Variants in DHRSX observed in about 807,000 individuals in gnomAD.
DHRSX encodes dehydrogenase/reductase X-linked.
DHRSX carries 31 observed loss-of-function variants against 34.0 expected under a neutral mutation model. That is an observed-to-expected ratio of 0.91 (90% CI 0.69 to 1.23). The LOEUF (loss-of-function observed/expected upper bound fraction) is 1.23, where lower values mean the gene tolerates loss of function less well. DHRSX is among the 50% of genes most tolerant of loss of function. The pLI is 0.00. For synonymous variants in DHRSX, 201 were observed against 183.8 expected (o/e 1.09, Z -0.76); for missense variants, 414 against 428.1 (o/e 0.97, Z 0.29).
chrX:2,441,848 G>A (rs2044066449), intron 1 of DHRSX, among the ~76,000 whole-genome samples: 1 of 152,132 alleles, frequency 6.6e-6, no homozygotes, highest in Non-Finnish European at 1.5e-5. Flanking sequence ...TGAGGCAGGT[G>A]GATCACGAGG....
At chrX:2,227,233 T>C (rs2015687631) in intron 6 of DHRSX, among the ~76,000 whole-genome samples, 1 of 151,758 alleles carries the variant, frequency 6.6e-6, no homozygotes, top group South Asian at 2.1e-4. Context: ...AGCTATGGCC[T>C]GGGTCAAAGC....
chrX:2,309,159 T>C (rs1255520889), intron 3 of DHRSX, among the ~76,000 whole-genome samples: 1 of 151,752 alleles, frequency 6.6e-6, no homozygotes, highest in Non-Finnish European at 1.5e-5. Flanking sequence ...ATAAGAAAAA[T>C]AGAGAAGAAT....
chrX:2,407,395 C>T (rs2043569914), intron 3 of DHRSX, among the ~76,000 whole-genome samples: 2 of 152,132 alleles, frequency 1.3e-5, no homozygotes, highest in Non-Finnish European at 2.9e-5. Flanking sequence ...CATTTAATGA[C>T]AAAGGCCTTG....
intron 3 of DHRSX, among the ~76,000 whole-genome samples, chrX:2,319,219 C>T (rs907771053): frequency 4.5e-5 from 6 of 133,988 alleles, no homozygotes; most frequent in African/African-American, 1.6e-4. Context: ...CCCCTCCTCC[C>T]CCCCTCCCTT....
chrX:2,426,364 C>T (rs1296752187), intron 1 of DHRSX, among the ~76,000 whole-genome samples: 1 of 151,334 alleles, frequency 6.6e-6, no homozygotes, highest in African/African-American at 2.4e-5. Context: ...TCTTTCCTTC[C>T]TTCCTTCCCT....
In DHRSX at chrX:2,340,197, G is replaced by T. The variant is rs767580810; in HGVS notation, c.287-48594C>A. On this transcript the variant is annotated intron_variant, in intron 3 of 6. Coordinates refer to ENST00000334651, the MANE Select transcript of DHRSX (RefSeq NM_145177.3). ...CACACTGGGGCCTGTCGAGGGGTGG[G>T]GGGCTAGGGGAGTGATAGTATTAGG... Among the ~76,000 whole-genome samples the T allele has an allele frequency of 2.0e-5, 3 of 152,030 alleles. No individual in the cohort carries two copies. The Admixed American group carries it at 2.0e-4, about 10-fold the overall frequency.
At chrX:2,366,542 C>A (rs1292674719) in intron 3 of DHRSX, among the ~76,000 whole-genome samples, 1 of 151,968 alleles carries the variant, frequency 6.6e-6, no homozygotes, top group Non-Finnish European at 1.5e-5. Context: ...AATATACAAC[C>A]AGGGTAGGGG....
At chrX:2,326,573 C>G (rs1219454756) in intron 3 of DHRSX, among the ~76,000 whole-genome samples, 1 of 151,972 alleles carries the variant, frequency 6.6e-6, no homozygotes. Context: ...TAGAGGGGAC[C>G]TTGTACTTTC....
intron 3 of DHRSX, among the ~76,000 whole-genome samples, chrX:2,332,323 G>T (rs1279357678): frequency 6.6e-6 from 1 of 152,168 alleles, no homozygotes. Context: ...CAGAGATTAC[G>T]CTGGAGAAAT....
intron 1 of DHRSX, among the ~76,000 whole-genome samples, chrX:2,455,758 A>AC (rs2044287696): frequency 6.6e-6 from 1 of 151,512 alleles, no homozygotes; most frequent in South Asian, 2.1e-4. Context: ...AAAAAAAAAA[A>AC]AAACAATAAA....
intron 6 of DHRSX, among the ~76,000 whole-genome samples, chrX:2,224,824 A>C (rs2015604209): frequency 6.7e-6 from 1 of 150,230 alleles, no homozygotes; most frequent in Admixed American, 6.6e-5. Flanking sequence ...TCACATGAAC[A>C]CATGCTCACA....
chrX:2,453,857 A>T, intron 1 of DHRSX, among the ~76,000 whole-genome samples: 1 of 152,268 alleles, frequency 6.6e-6, no homozygotes, highest in East Asian at 1.9e-4. Context: ...AGTTAGGATT[A>T]TGTGAATATG....
At chrX:2,433,603 G>A (rs1048054493) in intron 1 of DHRSX, among the ~76,000 whole-genome samples, 10 of 151,938 alleles carry the variant, frequency 6.6e-5, no homozygotes, top group Admixed American at 3.3e-4. Flanking sequence ...CCCTCCCTGC[G>A]TCCCTGTGTT....
rs138902933 is a variant in DHRSX, at chrX:2,495,348, T to C, written c.109+5469A>G. Among the ~76,000 whole-genome samples the C allele has an allele frequency of 2.0e-3, 301 of 152,014 alleles. 4 individuals carry two copies. In the East Asian group the frequency reaches 0.037, roughly 19 times the overall value. On this transcript the variant is annotated intron_variant, in intron 1 of 6. Transcript: ENST00000334651. ...CCCCAGTACCATGAACAAAGGTTTA[T>C]ATTCTATTATTATTAATATTATTGT... is the stretch of plus-strand genomic sequence containing the variant.
At chrX:2,463,231 G>A (rs1230754223) in intron 1 of DHRSX, among the ~76,000 whole-genome samples, 2 of 152,144 alleles carry the variant, frequency 1.3e-5, no homozygotes, top group Non-Finnish European at 2.9e-5. Flanking sequence ...CAGGAGAATC[G>A]CTTGAACATG....
intron 3 of DHRSX, among the ~76,000 whole-genome samples, chrX:2,396,807 C>G (rs2043418143): frequency 2.7e-5 from 4 of 149,574 alleles, no homozygotes; most frequent in Non-Finnish European, 1.5e-5. Context: ...TCTTGTTGCC[C>G]AGGCCGGAGC....
chrX:2,425,867 T>C (rs2043839663), intron 1 of DHRSX, among the ~76,000 whole-genome samples: 1 of 152,006 alleles, frequency 6.6e-6, no homozygotes, highest in African/African-American at 2.4e-5. Context: ...AGACCAGAGC[T>C]CTCACTGTGG....
Position 2,499,318 on chromosome X carries a change from A to G in DHRSX, c.109+1499T>C, listed in dbSNP as rs771825883. On this transcript the variant is annotated intron_variant, in intron 1 of 6. Coordinates refer to ENST00000334651, the MANE Select transcript of DHRSX (RefSeq NM_145177.3). ...CTTAGGCTGGACATTTAAGACATTC[A>G]GGGCAACGTACACCCCCACCCCCAC... 2.4e-4 allele frequency among the ~76,000 whole-genome samples: 37 copies of G among 152,298 alleles called. 1 individual carries two copies. In the South Asian group the frequency reaches 5.8e-3, roughly 24 times the overall value.
At position 2,392,832 on chromosome X, in the gene DHRSX, TTA is replaced by T. The variant is rs767853518; in HGVS notation, c.286+15911_286+15912del. Among the ~76,000 whole-genome samples, 295 of 141,048 alleles carry T rather than the reference TTA, an allele frequency of 2.1e-3. 1 individual carries two copies. Among genetic ancestry groups the T allele is most frequent in the African/African-American group, 7.1e-3 (281 of 39,352 alleles). 92.5% of individuals were successfully genotyped at this position (141,048 alleles called of 152,430 possible). A position where few individuals can be genotyped will look rare whatever the true frequency, so the allele number is the denominator to read the frequency against. ...TTATTTATAATGACACAAATATAAT[TTA>T]TAGTTATCATTATATATTTATGTAA... On this transcript the variant is annotated intron_variant, in intron 3 of 6. Transcript: ENST00000334651.
Sources: allele counts gnomAD v4.1 joint callset (sites outside exome capture counted in the v4.1 genomes callset), GRCh38; gene constraint gnomAD v4.1.1; transcripts MANE v1.5; gene names NCBI Gene and HGNC (gene_info 2026-07-23, HGNC 2026-07-21).